The following TMEM100 variants were observed in gnomAD, a reference collection of about 807,000 sequenced individuals.
TMEM100 encodes transmembrane protein 100.
For missense variants in TMEM100, 137 were observed against 168.2 expected (o/e 0.81, Z 1.02); for synonymous variants, 61 against 67.1 (o/e 0.91, Z 0.44).
chr17:55,724,763 C>T (rs561583714), upstream of TMEM100, among the ~76,000 whole-genome samples: 37 of 152,314 alleles, frequency 2.4e-4, no homozygotes, highest in African/African-American at 3.8e-4. Context: ...AAACATTGAA[C>T]GTCTAGAGAG....
At chr17:55,726,427 A>G (rs1230182148), upstream of TMEM100, among the ~76,000 whole-genome samples, 2 of 152,122 alleles carry the variant, frequency 1.3e-5, no homozygotes, top group Non-Finnish European at 2.9e-5. Flanking sequence ...TAAGGTTGCA[A>G]AAGGGGATGT....
At chr17:55,729,753 T>G (rs1909157715) in intron 1 of TMEM100, among the ~76,000 whole-genome samples, 2 of 152,220 alleles carry the variant, frequency 1.3e-5, no homozygotes, top group African/African-American at 4.8e-5. Context: ...GAGACTTTAT[T>G]TTTACTGACC....
upstream of TMEM100, among the ~76,000 whole-genome samples, chr17:55,723,824 A>G (rs185471661): frequency 6.6e-6 from 1 of 152,358 alleles, no homozygotes; most frequent in African/African-American, 2.4e-5. Flanking sequence ...ATTCAAACAT[A>G]TACAACTTGA....
chr17:55,720,675 C>T lies in TMEM100; in HGVS notation c.396G>A (p.Leu132=). Residue 132 remains leucine, a synonymous_variant, in exon 2 of 2, where the codon TTG becomes TTA. Coordinates refer to ENST00000424486, the MANE Select transcript of TMEM100 (RefSeq NM_018286.3). ...TTGGTCGTATTCAGTCTCAAGCAAA[C>T]AAGCTTCTCTGATTTGCCACGAGAG... The part of the protein sequence containing the change: ...QTALVANQRS[L]FA 6.2e-7 allele frequency: 1 copy of T among 1,604,510 alleles called. No individual in the cohort carries two copies. The highest frequency in any genetic ancestry group is 8.5e-7 in the Non-Finnish European group (1 of 1,176,036).
chr17:55,724,299 A>T (rs1909004352), upstream of TMEM100, among the ~76,000 whole-genome samples: 1 of 152,228 alleles, frequency 6.6e-6, no homozygotes, highest in Admixed American at 6.5e-5. Flanking sequence ...TTATTCTGGA[A>T]TGAAAGCCAG....
chr17:55,729,473 A>T (rs555790368), intron 1 of TMEM100, among the ~76,000 whole-genome samples: 2 of 152,336 alleles, frequency 1.3e-5, no homozygotes, highest in Admixed American at 1.3e-4. Context: ...GTAGCTATTC[A>T]CTTCTCCGGT....
Position 55,720,370 on chromosome 17 carries a change from T to C in TMEM100, c.*296A>G. The C allele has an allele frequency of 3.0e-6, 1 of 336,554 alleles. No homozygotes were observed. The highest frequency in any genetic ancestry group is 5.4e-6 in the Non-Finnish European group (1 of 185,352). 20.8% of individuals were successfully genotyped at this position (336,554 alleles called of 1,614,324 possible). ...TTTTTCTCATCTTTTCTTGGCTACTTTACAGGGTGAACCAAATACTGTCTA... is the reference window on the plus strand; with the variant it reads ...TTTTTCTCATCTTTTCTTGGCTACTCTACAGGGTGAACCAAATACTGTCTA... On this transcript the variant is annotated 3_prime_UTR_variant, in exon 2 of 2. Coordinates refer to ENST00000424486, the MANE Select transcript of TMEM100 (RefSeq NM_018286.3).
At chr17:55,725,578 A>T (rs569325498), upstream of TMEM100, among the ~76,000 whole-genome samples, 64 of 152,292 alleles carry the variant, frequency 4.2e-4, no homozygotes, top group African/African-American at 1.5e-3. Flanking sequence ...TAGGGACCGT[A>T]AACAAAGTAC....
chr17:55,722,233 A>T (rs934058260), intron 1 of TMEM100, among the ~76,000 whole-genome samples: 1 of 152,250 alleles, frequency 6.6e-6, no homozygotes, highest in African/African-American at 2.4e-5. Context: ...AAAGCTGTCT[A>T]GCTGCTACAC....
chr17:55,725,867 C>A (rs927728130), upstream of TMEM100, among the ~76,000 whole-genome samples: 1 of 152,018 alleles, frequency 6.6e-6, no homozygotes, highest in Non-Finnish European at 1.5e-5. Flanking sequence ...TATCCAAAGC[C>A]CCCATTCTGA....
chr17:55,724,460 G>A (rs564649021), upstream of TMEM100, among the ~76,000 whole-genome samples: 22 of 152,272 alleles, frequency 1.4e-4, 1 homozygote, highest in East Asian at 3.1e-3. Flanking sequence ...GAGGAGTACC[G>A]TCACTTGGTG....
chr17:55,721,897 A>C (rs148637048), intron 1 of TMEM100: 1 of 152,376 alleles, frequency 6.6e-6, no homozygotes, highest in African/African-American at 2.4e-5. Flanking sequence ...TGGCAAAATA[A>C]AATCAATTAT....
At chr17:55,723,537 C>T (rs1908976431), upstream of TMEM100, among the ~76,000 whole-genome samples, 10 of 152,304 alleles carry the variant, frequency 6.6e-5, no homozygotes, top group South Asian at 2.1e-3. Context: ...AGAGCACCTA[C>T]TGTGGACATG....
chr17:55,725,790 A>T (rs1299278291), upstream of TMEM100, among the ~76,000 whole-genome samples: 1 of 151,382 alleles, frequency 6.6e-6, no homozygotes, highest in Non-Finnish European at 1.5e-5. Context: ...CAAGTTTGAG[A>T]AGAATATCTT....
Position 55,720,527 on chromosome 17 carries a change from CCCT to C in TMEM100, c.*136_*138del. 3 of 967,470 alleles carry C rather than the reference CCCT, an allele frequency of 3.1e-6. No homozygotes were observed. The highest frequency in any genetic ancestry group is 4.6e-6 in the Non-Finnish European group (3 of 656,232). 59.9% of individuals were successfully genotyped at this position (967,470 alleles called of 1,614,324 possible). A position where few individuals can be genotyped will look rare whatever the true frequency, so the allele number is the denominator to read the frequency against. On this transcript the variant is annotated 3_prime_UTR_variant, in exon 2 of 2. Transcript: ENST00000424486. ...GAGTCATTCCTCACAAAGGAGAAGCCCCTCCACCCTCCCACCCCCATTCTTCCA... is the reference window on the plus strand; with the variant it reads ...GAGTCATTCCTCACAAAGGAGAAGCCCCACCCTCCCACCCCCATTCTTCCA...
rs527771405 is a variant in TMEM100 at position 55,719,639 on chromosome 17, G to A, written c.*1027C>T. The A allele has an allele frequency of 6.6e-6, 1 of 152,320 alleles. No individual in the cohort carries two copies. Among genetic ancestry groups the A allele is most frequent in the East Asian group, 1.9e-4 (1 of 5,190 alleles). 9.4% of individuals were successfully genotyped at this position (152,320 alleles called of 1,614,324 possible). A position where few individuals can be genotyped will look rare whatever the true frequency, so the allele number is the denominator to read the frequency against. On this transcript the variant is annotated 3_prime_UTR_variant, in exon 2 of 2. Transcript: ENST00000424486. ...AATTAACAACTGATTCCACAAAAAT[G>A]TAATATACATTTAATAGCACATTAT...
Position 55,720,852 on chromosome 17 carries a change from C to A in TMEM100, c.219G>T (p.Ala73=). The A allele has an allele frequency of 6.2e-7, 1 of 1,614,168 alleles. No individual in the cohort carries two copies. Among genetic ancestry groups the A allele is most frequent in the Non-Finnish European group, 8.5e-7 (1 of 1,180,016 alleles). The change falls in exon 2 of 2, where the codon GCG becomes GCT. Residue 73 remains alanine (A), a synonymous_variant. Coordinates refer to ENST00000424486, the MANE Select transcript of TMEM100 (RefSeq NM_018286.3). The part of the protein sequence containing the change: ...VVFIAGIVVT[A]VAYSFNSHGS... ...CATGGGAATTGAAGCTGTAAGCCAC[C>A]GCGGTGACCACGATGCCGGCGATGA...
chr17:55,721,961 T>C (rs1908904730), intron 1 of TMEM100: 1 of 152,238 alleles, frequency 6.6e-6, no homozygotes, highest in African/African-American at 2.4e-5. Flanking sequence ...ACACAAAATT[T>C]CGATATTATG....
chr17:55,728,224 C>G (rs1005718579), intron 1 of TMEM100, among the ~76,000 whole-genome samples: 4 of 152,098 alleles, frequency 2.6e-5, no homozygotes, highest in African/African-American at 9.7e-5. Flanking sequence ...CTAGGTACCT[C>G]TTTCTTCTTC....
Sources: gnomAD v4.1 joint callset for allele counts (sites outside exome capture counted in the v4.1 genomes callset) on GRCh38, gnomAD v4.1.1 for gene constraint, MANE v1.5 for transcripts, NCBI Gene and HGNC (gene_info 2026-07-23, HGNC 2026-07-21) for gene names.